The following LINGO2 variants were observed in gnomAD, a reference collection of about 807,000 sequenced individuals.
LINGO2 encodes the protein leucine-rich repeat and immunoglobulin-like domain-containing nogo receptor-interacting protein 2.
A neutral mutation model predicts 30.6 loss-of-function variants in LINGO2; 14 were observed. The observed-to-expected ratio is 0.46, with a 90% CI of 0.30 to 0.72. The LOEUF (loss-of-function observed/expected upper bound fraction) is 0.72. LINGO2 is among the 30% of genes least tolerant of loss of function. The probability of loss-of-function intolerance (pLI) is 0.07; values close to 1 mark genes in which losing one functional copy is unlikely to be tolerated. For synonymous variants in LINGO2, 317 were observed against 288.5 expected (o/e 1.10, Z -1.00); for missense variants, 729 against 751.7 (o/e 0.97, Z 0.35).
At chr9:28,288,842 A>G (rs1198562281) in intron 4 of LINGO2, among the ~76,000 whole-genome samples, 1 of 152,192 alleles carries the variant, frequency 6.6e-6, no homozygotes, top group Non-Finnish European at 1.5e-5. Flanking sequence ...GATGTATTGC[A>G]TACACAGGTG....
At chr9:28,501,162 A>T (rs905063595) in intron 1 of LINGO2, among the ~76,000 whole-genome samples, 2 of 152,304 alleles carry the variant, frequency 1.3e-5, no homozygotes, top group African/African-American at 4.8e-5. Flanking sequence ...CAAAAATTTT[A>T]TCAGTATATT....
At chr9:29,067,105 A>G in the LINGO2 span, among the ~76,000 whole-genome samples, 14 of 151,982 alleles carry the variant, frequency 9.2e-5, no homozygotes, top group South Asian at 2.9e-3. Flanking sequence ...TGCTTTGTAC[A>G]GAAGGTAACA....
the LINGO2 span, among the ~76,000 whole-genome samples, chr9:29,184,610 G>C: frequency 6.6e-6 from 1 of 151,872 alleles, no homozygotes; most frequent in African/African-American, 2.4e-5. Flanking sequence ...TACACTTCAT[G>C]CATTTATGTT....
At chr9:28,043,452 G>A (rs1824281529) in intron 4 of LINGO2, among the ~76,000 whole-genome samples, 1 of 152,122 alleles carries the variant, frequency 6.6e-6, no homozygotes, top group Non-Finnish European at 1.5e-5. Flanking sequence ...TCTCTGCAGT[G>A]GTTGAAGGTG....
At chr9:28,476,951 G>C (rs926458922) in intron 1 of LINGO2, among the ~76,000 whole-genome samples, 1 of 152,172 alleles carries the variant, frequency 6.6e-6, no homozygotes, top group African/African-American at 2.4e-5. Context: ...TTCAGGATTA[G>C]AATATGACAT....
At chr9:28,810,388 T>A in the LINGO2 span, among the ~76,000 whole-genome samples, 3 of 152,174 alleles carry the variant, frequency 2.0e-5, no homozygotes, top group African/African-American at 7.2e-5. Context: ...ACCATTTTCA[T>A]TCAATCATAA....
At chr9:28,475,452 A>C (rs571123329) in intron 2 of LINGO2, among the ~76,000 whole-genome samples, 14 of 152,322 alleles carry the variant, frequency 9.2e-5, no homozygotes, top group African/African-American at 3.4e-4. Flanking sequence ...AACTTTCTTT[A>C]TCTATAAAAC....
At chr9:28,973,816 G>A in the LINGO2 span, among the ~76,000 whole-genome samples, 1 of 152,110 alleles carries the variant, frequency 6.6e-6, no homozygotes, top group Non-Finnish European at 1.5e-5. Flanking sequence ...AAACATAAAG[G>A]TTAAACAAAC....
At chr9:28,280,717 G>A (rs1159949586) in intron 4 of LINGO2, among the ~76,000 whole-genome samples, 3 of 152,068 alleles carry the variant, frequency 2.0e-5, no homozygotes, top group Non-Finnish European at 4.4e-5. Context: ...AGTACTCATG[G>A]TACTGTTACC....
chr9:28,895,280 T>C, the LINGO2 span, among the ~76,000 whole-genome samples: 1 of 151,984 alleles, frequency 6.6e-6, no homozygotes, highest in Non-Finnish European at 1.5e-5. Flanking sequence ...AAACTAATCA[T>C]AAAAACAAAC....
At chr9:28,671,556 C>T (rs1285905226), upstream of LINGO2, among the ~76,000 whole-genome samples, 3 of 145,666 alleles carry the variant, frequency 2.1e-5, no homozygotes, top group Non-Finnish European at 4.5e-5. Context: ...AAACCACATA[C>T]CACATGTTCT....
chr9:28,111,350 C>T (rs1283996353), intron 4 of LINGO2, among the ~76,000 whole-genome samples: 1 of 151,668 alleles, frequency 6.6e-6, no homozygotes, highest in African/African-American at 2.4e-5. Context: ...GCATGTATAC[C>T]TATGTAACAA....
rs537120687 is a variant in LINGO2 at position 28,637,958 on chromosome 9, T to C, written c.-365+32242A>G. ...ATTCAATATGATATTGGCTGTGGGT[T>C]TGTCATAGATAGCTCTAATTATTTT... On this transcript the variant is annotated intron_variant, in intron 1 of 5. Coordinates refer to ENST00000379992, the Ensembl canonical transcript of LINGO2. Among the ~76,000 whole-genome samples the C allele has an allele frequency of 5.9e-5, 9 of 152,280 alleles. 1 individual carries two copies. Among genetic ancestry groups the C allele is most frequent in the African/African-American group, 2.2e-4 (9 of 41,574 alleles).
chr9:28,440,338 T>C (rs1406386671), intron 2 of LINGO2, among the ~76,000 whole-genome samples: 1 of 152,204 alleles, frequency 6.6e-6, no homozygotes, highest in East Asian at 1.9e-4. Flanking sequence ...TGAAGTTATA[T>C]AAAGTTACAG....
chr9:28,848,072 A>ATATACACACTATATATAGTG, the LINGO2 span, among the ~76,000 whole-genome samples: 4 of 47,898 alleles, frequency 8.4e-5, 1 homozygote, highest in African/African-American at 4.3e-4. Flanking sequence ...TGTATATAAT[A>ATATACACACTATATATAGTG]TATATATACA....
chr9:28,506,515 T>TACAGATATATAG (rs1554729664), intron 1 of LINGO2, among the ~76,000 whole-genome samples: 1 of 100,604 alleles, frequency 9.9e-6, no homozygotes, highest in Non-Finnish European at 2.0e-5. Context: ...CATATATATA[T>TACAGATATATAG]ATATATAAAC....
the LINGO2 span, among the ~76,000 whole-genome samples, chr9:29,055,938 G>GTATATATATATATATATACACATATA: frequency 1.0e-5 from 1 of 99,820 alleles, no homozygotes; most frequent in African/African-American, 4.1e-5. Flanking sequence ...GTATGTGTGT[G>GTATATATATATATATATACACATATA]TGTATATATA....
At chr9:28,473,337 A>G (rs552352633) in intron 2 of LINGO2, among the ~76,000 whole-genome samples, 123 of 152,032 alleles carry the variant, frequency 8.1e-4, no homozygotes, top group African/African-American at 2.8e-3. Flanking sequence ...TGGTAGATGG[A>G]TCATCGTCTT....
chr9:28,684,669 C>T, the LINGO2 span, among the ~76,000 whole-genome samples: 1 of 151,658 alleles, frequency 6.6e-6, no homozygotes, highest in Non-Finnish European at 1.5e-5. Context: ...CAAGCACACA[C>T]CACCATACCA....
Sources: allele counts gnomAD v4.1 joint callset (sites outside exome capture counted in the v4.1 genomes callset), GRCh38; gene constraint gnomAD v4.1.1; transcripts MANE v1.5; gene names NCBI Gene and HGNC (gene_info 2026-07-23, HGNC 2026-07-21).